The following STK31 variants were observed in gnomAD, a reference collection of about 807,000 sequenced individuals.
STK31 encodes the protein serine/threonine-protein kinase 31.
Under a neutral mutation model 129.7 loss-of-function variants are expected in STK31, and 89 were observed. That is an observed-to-expected ratio of 0.69 (90% CI 0.58 to 0.82). The LOEUF (loss-of-function observed/expected upper bound fraction) is 0.82. Among genes scored for constraint, STK31 ranks in the 40% least tolerant of loss-of-function variants. STK31 has a pLI of 0.00. For synonymous variants in STK31, 448 were observed against 395.3 expected, an observed-to-expected ratio of 1.13 and a Z score of -1.58; for missense variants, 1,187 against 1,176.4, an observed-to-expected ratio of 1.01 and a Z score of -0.13.
intron 6 of STK31, among the ~76,000 whole-genome samples, chr7:23,733,787 C>T (rs1046817846): frequency 6.6e-6 from 1 of 151,370 alleles, no homozygotes; most frequent in Admixed American, 6.6e-5. Context: ...CCCACCTGGG[C>T]GACAAAGCCA....
chr7:23,818,656 G>A (rs184229998), intron 23 of STK31, among the ~76,000 whole-genome samples: 37 of 148,604 alleles, frequency 2.5e-4, no homozygotes, highest in Middle Eastern at 6.8e-3. Flanking sequence ...AAAAAATAAA[G>A]TCCGAAGTCC....
chr7:23,734,739 C>T (rs1268157221), intron 6 of STK31, among the ~76,000 whole-genome samples: 7 of 152,002 alleles, frequency 4.6e-5, no homozygotes, highest in South Asian at 4.1e-4. Context: ...CCGAGGTGGG[C>T]GGATCACTTG....
At chr7:23,735,996 C>A (rs951729372) in intron 7 of STK31, 100 bp downstream of exon 7, 4 of 991,866 alleles carry the variant, frequency 4.0e-6, no homozygotes, top group South Asian at 2.1e-5. Flanking sequence ...TTTACTGTGT[C>A]AGTGATTTTA....
intron 22 of STK31, among the ~76,000 whole-genome samples, chr7:23,798,103 T>C (rs761416053): frequency 1.3e-5 from 2 of 152,058 alleles, no homozygotes; most frequent in Non-Finnish European, 2.9e-5. Flanking sequence ...TTGAGGCAGT[T>C]ATTAATAGCC....
At chr7:23,828,988 C>T (rs1220471671) in intron 23 of STK31, among the ~76,000 whole-genome samples, 1 of 152,014 alleles carries the variant, frequency 6.6e-6, no homozygotes, top group Non-Finnish European at 1.5e-5. Context: ...CAACCTCCAC[C>T]TCCTGGGTTC....
At chr7:23,785,339 A>T in intron 17 of STK31, 139 bp from the exon 18 acceptor site, 2 of 1,217,708 alleles carry the variant, frequency 1.6e-6, no homozygotes, top group Non-Finnish European at 1.1e-6. Flanking sequence ...ACACAGTTTT[A>T]AAGATTTTAA....
intron 22 of STK31, among the ~76,000 whole-genome samples, chr7:23,810,770 A>AATATGT (rs1562623553): frequency 7.5e-5 from 8 of 107,002 alleles, no homozygotes; most frequent in Non-Finnish European, 1.5e-4. Context: ...ATAATATATA[A>AATATGT]ATATATATTA....
intron 7 of STK31, among the ~76,000 whole-genome samples, chr7:23,736,589 G>T (rs965428439): frequency 1.1e-4 from 17 of 148,870 alleles, no homozygotes; most frequent in African/African-American, 1.2e-4. Flanking sequence ...GATCACGGGG[G>T]GGGGATCACA....
intron 16 of STK31, among the ~76,000 whole-genome samples, chr7:23,783,155 C>T (rs535915525): frequency 5.6e-4 from 85 of 152,310 alleles, no homozygotes; most frequent in Non-Finnish European, 1.1e-3. Flanking sequence ...CAGCGAGGTA[C>T]AGAAACAGCT....
chr7:23,752,769 A>G lies in STK31; in HGVS notation c.1070A>G (p.Lys357Arg), dbSNP rs764799653. 6.2e-7 allele frequency: 1 copy of G among 1,613,748 alleles called. No homozygotes were observed. Among genetic ancestry groups the G allele is most frequent in the Admixed American group, 1.7e-5 (1 of 59,940 alleles). Residue 357 changes from lysine (K) to arginine (R), a missense_variant, in exon 9 of 24, where the codon AAG becomes AGG. Around this residue, in one of 5 missense-constraint regions of STK31, gnomAD observed 975 missense variants for 934.9 expected, o/e 1.04. Coordinates refer to ENST00000355870, the MANE Select transcript of STK31 (RefSeq NM_031414.5). ...DLTNHLEYTL[K>R]TYIDTRMKNL... The stretch of plus-strand genomic sequence containing the variant: ...ACTAACCACTTAGAATACACTCTGA[A>G]GACCTATATAGATACCAGAATGAAA...
At position 23,754,397 on chromosome 7, in the gene STK31, GC is replaced by G; in HGVS notation, c.1217del (p.Ala406ValfsTer3). On this transcript the variant is annotated frameshift_variant, in exon 10 of 24. Coordinates refer to ENST00000355870, the MANE Select transcript of STK31 (RefSeq NM_031414.5). LOFTEE classifies it high-confidence loss of function. Reference protein sequence around the residue: ...VLDEGCFTTPASLNGLEIIWA... With the variant: ...VLDEGCFTTPXSLNGLEIIWA... The stretch of plus-strand genomic sequence containing the variant: ...GGATGAAGGGTGCTTTACTACTCCA[GC>G]TTCTTTGAATGGATTAGAGATAATA... 1.2e-6 allele frequency: 2 copies of G among 1,614,000 alleles called. No individual in the cohort carries two copies. Among genetic ancestry groups the G allele is most frequent in the African/African-American group, 1.3e-5 (1 of 75,030 alleles).
At chr7:23,752,873 A>G (rs1434226092) in intron 9 of STK31, 41 bp downstream of exon 9, 4 of 1,321,952 alleles carry the variant, frequency 3.0e-6, no homozygotes, top group East Asian at 2.3e-5. Context: ...TTTTAAACTA[A>G]TTTTTAATCA....
chr7:23,825,419 G>A (rs144978320), intron 23 of STK31, among the ~76,000 whole-genome samples: 14,337 of 152,154 alleles, frequency 0.094, 969 homozygotes, highest in Non-Finnish European at 0.14. Flanking sequence ...ATGGTAGTTT[G>A]TATTTCTGTG....
chr7:23,752,884 AT>A, intron 9 of STK31, 52 bp downstream of exon 9: 2 of 1,225,684 alleles, frequency 1.6e-6, no homozygotes, highest in Non-Finnish European at 2.4e-6. Context: ...TTTTTAATCA[AT>A]TGGTGCTTTG....
chr7:23,765,467 A>C (rs893379833), intron 11 of STK31, among the ~76,000 whole-genome samples: 3 of 151,762 alleles, frequency 2.0e-5, no homozygotes, highest in African/African-American at 7.3e-5. Flanking sequence ...TGGTAACTTA[A>C]TTTACATATT....
chr7:23,725,306 A>G (rs1267920954), intron 4 of STK31, among the ~76,000 whole-genome samples: 1 of 133,848 alleles, frequency 7.5e-6, no homozygotes, highest in African/African-American at 2.8e-5. Context: ...AGGCCGAGGC[A>G]GGAGGATTGG....
chr7:23,801,653 C>A (rs1373668470), intron 22 of STK31, among the ~76,000 whole-genome samples: 2 of 152,076 alleles, frequency 1.3e-5, no homozygotes, highest in Non-Finnish European at 2.9e-5. Context: ...ATATTTTCTT[C>A]TAAAAGCTCT....
chr7:23,832,207 A>C lies in STK31; in HGVS notation c.2901A>C (p.Leu967Phe). 2 of 1,614,160 alleles carry C rather than the reference A, an allele frequency of 1.2e-6. No homozygotes were observed. Among genetic ancestry groups the C allele is most frequent in the Non-Finnish European group, 1.7e-6 (2 of 1,179,998 alleles). ...GTTCAATGACTGCTGAACAAGTTTT[A>C]AATGCTGAATGTTTCTTGATGCCAA... The part of the protein sequence containing the change: ...YRSSMTAEQV[L>F]NAECFLMPKE... The change falls in exon 24 of 24, where the codon TTA becomes TTC. Residue 967 changes from leucine to phenylalanine, a missense_variant. By Grantham distance (22) the Leu-to-Phe change is conservative (BLOSUM62 0). Transcript: ENST00000355870.
chr7:23,777,701 A>T (rs1425095468), intron 15 of STK31, among the ~76,000 whole-genome samples: 1 of 151,544 alleles, frequency 6.6e-6, no homozygotes, highest in Admixed American at 6.6e-5. Flanking sequence ...ATCTTCCTCC[A>T]TCCCTTTATT....
Sources: allele counts gnomAD v4.1 joint callset (sites outside exome capture counted in the v4.1 genomes callset), GRCh38; gene constraint gnomAD v4.1.1; regional missense constraint gnomAD v4.1.1; transcripts MANE v1.5; gene names NCBI Gene and HGNC (gene_info 2026-07-23, HGNC 2026-07-21).